The following SLC4A4 variants were observed in gnomAD, a reference collection of about 807,000 sequenced individuals.
SLC4A4 encodes the protein solute carrier family 4 member 4, also known as electrogenic sodium bicarbonate cotransporter 1.
SLC4A4 carries 27 observed loss-of-function variants against 111.5 expected under a neutral mutation model. The observed-to-expected ratio is 0.24, with a 90% CI of 0.18 to 0.33. SLC4A4 has a LOEUF of 0.33. Ranked by LOEUF, SLC4A4 falls within the 10% of genes least tolerant of loss-of-function variation. SLC4A4 has a pLI of 1.00. For missense variants in SLC4A4, 909 were observed against 1,315.5 expected (o/e 0.69, Z 4.78); for synonymous variants, 443 against 463.4 (o/e 0.96, Z 0.57).
intron 3 of SLC4A4, among the ~76,000 whole-genome samples, chr4:71,332,137 T>A (rs1318866019): frequency 6.6e-6 from 1 of 152,118 alleles, no homozygotes; most frequent in Non-Finnish European, 1.5e-5. Context: ...GTTTCATGGA[T>A]CTTTTGTATT....
chr4:71,067,593 A>G (rs1425596526), intron 1 of SLC4A4, among the ~76,000 whole-genome samples: 1 of 152,168 alleles, frequency 6.6e-6, no homozygotes, highest in East Asian at 1.9e-4. Flanking sequence ...ACTATCTGCC[A>G]TTGGAATGTT....
chr4:71,408,759 A>C (rs1435797241), intron 7 of SLC4A4, among the ~76,000 whole-genome samples: 2 of 152,114 alleles, frequency 1.3e-5, no homozygotes, highest in African/African-American at 4.8e-5. Flanking sequence ...ATTCCAGCTT[A>C]TGTTAACTAC....
intron 2 of SLC4A4, among the ~76,000 whole-genome samples, chr4:71,241,577 T>G (rs1383585807): frequency 1.3e-5 from 2 of 152,208 alleles, no homozygotes; most frequent in Admixed American, 6.5e-5. Context: ...AAGGAGTGAA[T>G]GAAAACCTAT....
chr4:71,422,486 A>T (rs371209331), intron 7 of SLC4A4, among the ~76,000 whole-genome samples: 4 of 152,088 alleles, frequency 2.6e-5, no homozygotes, highest in African/African-American at 4.8e-5. Flanking sequence ...AACTCATTTT[A>T]TGAGGCCAGC....
chr4:71,124,011 C>G (rs1743498724), intron 2 of SLC4A4, among the ~76,000 whole-genome samples: 1 of 152,090 alleles, frequency 6.6e-6, no homozygotes. Flanking sequence ...AGCTGAATCC[C>G]ATATGTTTAT....
At chr4:71,473,601 T>C (rs1728085166) in intron 14 of SLC4A4, among the ~76,000 whole-genome samples, 1 of 151,802 alleles carries the variant, frequency 6.6e-6, no homozygotes, top group South Asian at 2.1e-4. Flanking sequence ...CAGAAGGACA[T>C]AACAGCAAAA....
At chr4:71,368,866 G>A (rs956952829) in intron 6 of SLC4A4, among the ~76,000 whole-genome samples, 2 of 152,086 alleles carry the variant, frequency 1.3e-5, no homozygotes, top group Non-Finnish European at 2.9e-5. Context: ...TTCATCTAAG[G>A]GTGCAGGGCA....
chr4:71,077,546 A>T (rs72648747), intron 1 of SLC4A4, among the ~76,000 whole-genome samples: 6,707 of 152,300 alleles, frequency 0.044, 202 homozygotes, highest in Middle Eastern at 0.092. Context: ...AGACCCAAAG[A>T]AGATATTTAT....
At chr4:71,262,441 A>G (rs1197162091) in intron 3 of SLC4A4, among the ~76,000 whole-genome samples, 1 of 152,160 alleles carries the variant, frequency 6.6e-6, no homozygotes, top group African/African-American at 2.4e-5. Context: ...TTGACTTTTC[A>G]TCACTTTTAT....
intron 1 of SLC4A4, among the ~76,000 whole-genome samples, chr4:71,078,521 A>G (rs1215373809): frequency 6.6e-6 from 1 of 152,164 alleles, no homozygotes; most frequent in Non-Finnish European, 1.5e-5. Context: ...CTTAAGTAAA[A>G]TATCTTGCAC....
intron 1 of SLC4A4, among the ~76,000 whole-genome samples, chr4:71,217,729 C>G (rs545184756): frequency 2.0e-5 from 3 of 152,318 alleles, no homozygotes; most frequent in African/African-American, 7.2e-5. Flanking sequence ...AGCTGGTCAT[C>G]ACTTCTATTT....
chr4:71,368,088 C>T (rs569385342), intron 6 of SLC4A4, among the ~76,000 whole-genome samples: 8 of 152,246 alleles, frequency 5.3e-5, no homozygotes, highest in South Asian at 2.1e-4. Context: ...TTTCCAACCT[C>T]GTTGTGATTC....
chr4:71,219,595 T>C (rs546023124), intron 1 of SLC4A4, among the ~76,000 whole-genome samples: 128 of 152,210 alleles, frequency 8.4e-4, no homozygotes, highest in Non-Finnish European at 1.5e-3. Flanking sequence ...TAAAAACACA[T>C]TTTGTAAGGC....
At chr4:71,196,870 AAAAAT>A in intron 1 of SLC4A4, among the ~76,000 whole-genome samples, 1 of 140,114 alleles carries the variant, frequency 7.1e-6, no homozygotes. Context: ...AAAAAAAAAA[AAAAAT>A]GCAGACAGAC....
intron 2 of SLC4A4, among the ~76,000 whole-genome samples, chr4:71,149,934 A>G (rs1204405832): frequency 1.3e-5 from 2 of 152,164 alleles, no homozygotes; most frequent in Non-Finnish European, 2.9e-5. Flanking sequence ...TTAAGTGTGA[A>G]TTCCTTTTTT....
At chr4:71,160,686 A>G (rs915951953) in intron 2 of SLC4A4, among the ~76,000 whole-genome samples, 36 of 152,292 alleles carry the variant, frequency 2.4e-4, no homozygotes, top group Non-Finnish European at 7.4e-5. Context: ...TGATTAAAAA[A>G]AAAGCAAGCA....
At chr4:71,307,770 C>T (rs1332693863) in intron 3 of SLC4A4, among the ~76,000 whole-genome samples, 2 of 152,138 alleles carry the variant, frequency 1.3e-5, no homozygotes, top group Non-Finnish European at 2.9e-5. Context: ...AGGTTGCCTA[C>T]CGTGAATTAT....
intron 1 of SLC4A4, among the ~76,000 whole-genome samples, chr4:71,204,348 C>T (rs1717615177): frequency 6.6e-6 from 1 of 152,168 alleles, no homozygotes; most frequent in Non-Finnish European, 1.5e-5. Context: ...GCCATTATGA[C>T]AGAGTCTGGA....
intron 3 of SLC4A4, among the ~76,000 whole-genome samples, chr4:71,334,875 G>A (rs1274041451): frequency 2.0e-5 from 3 of 152,332 alleles, no homozygotes; most frequent in East Asian, 1.9e-4. Context: ...GCAGGGATAT[G>A]TAGTATCTAT....
Sources: gnomAD v4.1 joint callset for allele counts (sites outside exome capture counted in the v4.1 genomes callset) on GRCh38, gnomAD v4.1.1 for gene constraint, MANE v1.5 for transcripts, NCBI Gene and HGNC (gene_info 2026-07-23, HGNC 2026-07-21) for gene names.